TSPAN5: variants seen among roughly 807,000 people sequenced by gnomAD.
TSPAN5 encodes tetraspanin-5.
TSPAN5 carries 10 observed loss-of-function variants against 37.1 expected under a neutral mutation model. That is an observed-to-expected ratio of 0.27 (90% CI 0.17 to 0.46). The LOEUF (loss-of-function observed/expected upper bound fraction) is 0.46, where lower values mean the gene tolerates loss of function less well. TSPAN5 is among the 20% of genes least tolerant of loss of function. The pLI is 1.00. For synonymous variants in TSPAN5, 110 were observed against 118.9 expected (o/e 0.93, Z 0.48); for missense variants, 195 against 326.6 (o/e 0.60, Z 3.11).
intron 1 of TSPAN5, among the ~76,000 whole-genome samples, chr4:98,654,145 C>T (rs1398786190): frequency 1.3e-5 from 2 of 152,190 alleles, no homozygotes; most frequent in Non-Finnish European, 2.9e-5. Context: ...GAGGGCCTTC[C>T]GGTAAGTCCA....
At chr4:98,509,106 T>C (rs1034312368) in intron 1 of TSPAN5, among the ~76,000 whole-genome samples, 1 of 152,184 alleles carries the variant, frequency 6.6e-6, no homozygotes, top group Non-Finnish European at 1.5e-5. Context: ...TTATTATCAA[T>C]AGCAACTCTC....
intron 1 of TSPAN5, among the ~76,000 whole-genome samples, chr4:98,534,766 T>C (rs1754194215): frequency 6.6e-6 from 1 of 152,246 alleles, no homozygotes; most frequent in Non-Finnish European, 1.5e-5. Context: ...TTTATCACTA[T>C]GTAATGCCCT....
chr4:98,586,869 A>C (rs564423702), intron 1 of TSPAN5, among the ~76,000 whole-genome samples: 2 of 152,320 alleles, frequency 1.3e-5, no homozygotes, highest in African/African-American at 4.8e-5. Flanking sequence ...ATTCCCACCA[A>C]GCCAGCGGCA....
At chr4:98,612,303 T>C (rs73832360) in intron 1 of TSPAN5, among the ~76,000 whole-genome samples, 3,227 of 151,506 alleles carry the variant, frequency 0.021, 92 homozygotes, top group African/African-American at 0.074. Context: ...TACAAAAGGG[T>C]TGTAGGTGAA....
intron 1 of TSPAN5, among the ~76,000 whole-genome samples, chr4:98,521,399 A>G (rs1753853394): frequency 6.6e-6 from 1 of 152,202 alleles, no homozygotes; most frequent in Non-Finnish European, 1.5e-5. Context: ...CCTAGAATAC[A>G]ACTCACTATG....
At chr4:98,592,717 T>A (rs1033709401) in intron 1 of TSPAN5, among the ~76,000 whole-genome samples, 1 of 150,760 alleles carries the variant, frequency 6.6e-6, no homozygotes, top group Non-Finnish European at 1.5e-5. Flanking sequence ...GATAGTTTAC[T>A]GAGAATGATG....
chr4:98,613,614 A>G (rs1756252608), intron 1 of TSPAN5, among the ~76,000 whole-genome samples: 1 of 152,004 alleles, frequency 6.6e-6, no homozygotes, highest in African/African-American at 2.4e-5. Context: ...TACTTCAATG[A>G]CTGTTAATAT....
intron 1 of TSPAN5, among the ~76,000 whole-genome samples, chr4:98,590,404 G>A (rs1579013554): frequency 6.6e-6 from 1 of 152,194 alleles, no homozygotes; most frequent in Admixed American, 6.5e-5. Flanking sequence ...TACAGGTGAG[G>A]ACACTAAGGC....
chr4:98,604,437 G>A lies in TSPAN5; in HGVS notation c.81+53709C>T, dbSNP rs140864211. Among the ~76,000 whole-genome samples the A allele has an allele frequency of 3.2e-3, 487 of 152,194 alleles. 4 individuals carry two copies. The highest frequency in any genetic ancestry group is 0.011 in the African/African-American group (459 of 41,522). Reference sequence around the variant, plus strand: ...GACAGAGCCACTGCATCCTTGACACGGTGCTGTTCTGGAACTGAATTGGTG... The same window carrying A: ...GACAGAGCCACTGCATCCTTGACACAGTGCTGTTCTGGAACTGAATTGGTG... On this transcript the variant is annotated intron_variant, in intron 1 of 7. Transcript: ENST00000305798.
intron 2 of TSPAN5, among the ~76,000 whole-genome samples, chr4:98,507,045 T>C (rs1753493782): frequency 6.6e-6 from 1 of 152,236 alleles, no homozygotes; most frequent in African/African-American, 2.4e-5. Flanking sequence ...CAGAACATTG[T>C]ATCTTCACTG....
intron 1 of TSPAN5, among the ~76,000 whole-genome samples, chr4:98,583,597 T>TA (rs1211542011): frequency 2.0e-5 from 3 of 152,228 alleles, no homozygotes; most frequent in African/African-American, 7.2e-5. Context: ...TTCAACTTGA[T>TA]AAGAGAGGAG....
At chr4:98,477,327 T>A (rs1752725300) in intron 5 of TSPAN5, among the ~76,000 whole-genome samples, 1 of 152,168 alleles carries the variant, frequency 6.6e-6, no homozygotes, top group Admixed American at 6.5e-5. Flanking sequence ...GGCAGCACAG[T>A]CCTTAGTGAC....
chr4:98,616,826 T>A (rs936426034), intron 1 of TSPAN5, among the ~76,000 whole-genome samples: 3 of 151,710 alleles, frequency 2.0e-5, no homozygotes, highest in African/African-American at 7.3e-5. Flanking sequence ...ACACTCCAAT[T>A]TCCAAATTCT....
intron 1 of TSPAN5, among the ~76,000 whole-genome samples, chr4:98,556,000 C>A (rs1754737115): frequency 7.1e-6 from 1 of 140,080 alleles, no homozygotes; most frequent in African/African-American, 2.9e-5. Flanking sequence ...CGTGCGCACA[C>A]ACACACGTGC....
chr4:98,601,289 G>C (rs528712166), intron 1 of TSPAN5, among the ~76,000 whole-genome samples: 31 of 152,346 alleles, frequency 2.0e-4, no homozygotes, highest in Admixed American at 1.2e-3. Context: ...GCCAGGCACT[G>C]ACTTCTCCTC....
At chr4:98,529,165 G>T (rs1327759609) in intron 1 of TSPAN5, among the ~76,000 whole-genome samples, 1 of 152,178 alleles carries the variant, frequency 6.6e-6, no homozygotes, top group African/African-American at 2.4e-5. Flanking sequence ...ACAGATGCAG[G>T]TCTGCCCTTA....
chr4:98,485,962 C>T (rs533100868), intron 3 of TSPAN5, among the ~76,000 whole-genome samples: 14 of 152,000 alleles, frequency 9.2e-5, no homozygotes, highest in Non-Finnish European at 1.6e-4. Flanking sequence ...ATGGATGCTT[C>T]GTATAGAGAG....
At chr4:98,570,989 G>A (rs1018802727) in intron 1 of TSPAN5, among the ~76,000 whole-genome samples, 1 of 151,390 alleles carries the variant, frequency 6.6e-6, no homozygotes, top group African/African-American at 2.4e-5. Flanking sequence ...TCCAATATGG[G>A]CGACAGAGCA....
intron 1 of TSPAN5, among the ~76,000 whole-genome samples, chr4:98,550,561 C>T (rs180856062): frequency 1.3e-4 from 19 of 148,304 alleles, no homozygotes; most frequent in East Asian, 3.9e-4. Context: ...TTACTTTCAT[C>T]GGTGTTTTGT....
Sources: gnomAD v4.1 joint callset for allele counts (sites outside exome capture counted in the v4.1 genomes callset) on GRCh38, gnomAD v4.1.1 for gene constraint, MANE v1.5 for transcripts, NCBI Gene and HGNC (gene_info 2026-07-23, HGNC 2026-07-21) for gene names.